OPCML: variants seen among roughly 807,000 people sequenced by gnomAD.
OPCML encodes opioid binding protein/cell adhesion molecule like, also known as opioid-binding protein/cell adhesion molecule.
OPCML carries 13 observed loss-of-function variants against 37.8 expected under a neutral mutation model. The ratio of observed to expected loss-of-function variants is 0.34; its 90% CI spans 0.22 to 0.55. The LOEUF is 0.55. Among genes scored for constraint, OPCML ranks in the 20% least tolerant of loss-of-function variants. OPCML has a pLI of 0.91. For missense variants in OPCML, 341 were observed against 435.6 expected (o/e 0.78, Z 1.93); for synonymous variants, 176 against 168.8 (o/e 1.04, Z -0.33).
In OPCML at chr11:132,989,651, A is replaced by G. The variant is rs557370989; in HGVS notation, c.62-46641T>C. The stretch of plus-strand genomic sequence containing the variant: ...TGTGTGTGTGTGTGTGTGTGTGTTC[A>G]GAGGTGGAGGTGTGGATCTGTGGTT... On this transcript the variant is annotated intron_variant, in intron 1 of 7. Coordinates refer to ENST00000524381, the MANE Select transcript of OPCML (RefSeq NM_001012393.5). Among the ~76,000 whole-genome samples, 1,317 of 146,382 alleles carry G rather than the reference A, an allele frequency of 9.0e-3. 17 individuals are homozygous for G. The highest frequency in any genetic ancestry group is 0.031 in the African/African-American group (1,241 of 39,544).
intron 2 of OPCML, among the ~76,000 whole-genome samples, chr11:132,728,867 T>C (rs79946035): frequency 0.028 from 4,295 of 152,270 alleles, 132 homozygotes; most frequent in African/African-American, 0.078. Context: ...GCTGAGTAGA[T>C]GCCCATTCAA....
chr11:133,078,692 G>T (rs538232374), intron 1 of OPCML, among the ~76,000 whole-genome samples: 7 of 152,018 alleles, frequency 4.6e-5, no homozygotes, highest in Non-Finnish European at 1.0e-4. Flanking sequence ...GATGCACCAC[G>T]GGCAGCTCCC....
intron 3 of OPCML, among the ~76,000 whole-genome samples, chr11:132,570,755 G>A (rs1392797696): frequency 2.7e-4 from 8 of 30,098 alleles, no homozygotes; most frequent in Admixed American, 5.4e-4. Flanking sequence ...AGGAAAGAGA[G>A]TATATATATA....
chr11:133,520,703 T>C (rs917490306), intron 1 of OPCML, among the ~76,000 whole-genome samples: 10 of 152,140 alleles, frequency 6.6e-5, no homozygotes, highest in African/African-American at 2.2e-4. Flanking sequence ...ACTGCAACTG[T>C]AAGAGGCAGG....
chr11:133,130,285 G>C (rs778619377), intron 1 of OPCML, among the ~76,000 whole-genome samples: 1 of 152,024 alleles, frequency 6.6e-6, no homozygotes, highest in South Asian at 2.1e-4. Flanking sequence ...AAAAGAAAAT[G>C]TGTGGAACAT....
At chr11:133,028,053 G>T (rs1251048841) in intron 1 of OPCML, among the ~76,000 whole-genome samples, 1 of 151,928 alleles carries the variant, frequency 6.6e-6, no homozygotes, top group Admixed American at 6.6e-5. Context: ...TAAAAGTAAG[G>T]TTTGAACACT....
intron 3 of OPCML, among the ~76,000 whole-genome samples, chr11:132,624,022 T>C (rs1939588628): frequency 2.6e-5 from 4 of 152,182 alleles, no homozygotes; most frequent in Admixed American, 2.6e-4. Context: ...AAGCTGAGAG[T>C]TGTTTCAGCA....
intron 3 of OPCML, among the ~76,000 whole-genome samples, chr11:132,574,838 G>T (rs2096446673): frequency 6.6e-6 from 1 of 151,844 alleles, no homozygotes; most frequent in Non-Finnish European, 1.5e-5. Context: ...GTTCTGTCCG[G>T]CATCAAAAGT....
chr11:132,669,504 C>T (rs1942365789), intron 2 of OPCML, among the ~76,000 whole-genome samples: 3 of 152,172 alleles, frequency 2.0e-5, no homozygotes, highest in Admixed American at 6.5e-5. Flanking sequence ...AATGGGGCTG[C>T]ATCTTAGGAA....
At chr11:133,387,484 CA>C (rs1468739575) in intron 1 of OPCML, among the ~76,000 whole-genome samples, 1 of 152,196 alleles carries the variant, frequency 6.6e-6, no homozygotes, top group Non-Finnish European at 1.5e-5. Flanking sequence ...TTCAGTGCCC[CA>C]ACAGGCAAAG....
chr11:132,542,085 G>A (rs968882767), intron 3 of OPCML, among the ~76,000 whole-genome samples: 3 of 152,158 alleles, frequency 2.0e-5, no homozygotes, highest in Admixed American at 6.5e-5. Context: ...TGATCAGTGC[G>A]GAGTGTGAGC....
intron 1 of OPCML, among the ~76,000 whole-genome samples, chr11:133,467,731 T>C (rs1947008782): frequency 1.3e-5 from 2 of 152,150 alleles, no homozygotes; most frequent in Non-Finnish European, 2.9e-5. Flanking sequence ...AGCCACAGTA[T>C]CTGACTCCCC....
At chr11:133,234,899 T>C (rs1940442692) in intron 1 of OPCML, among the ~76,000 whole-genome samples, 1 of 152,230 alleles carries the variant, frequency 6.6e-6, no homozygotes, top group Non-Finnish European at 1.5e-5. Context: ...GGCTCGTCTC[T>C]GGCCAAGCCT....
At chr11:133,444,376 G>A (rs1946428713) in intron 1 of OPCML, among the ~76,000 whole-genome samples, 1 of 152,118 alleles carries the variant, frequency 6.6e-6, no homozygotes, top group Admixed American at 6.5e-5. Context: ...AATATTAAGT[G>A]AGCACATATC....
chr11:132,928,967 T>C (rs1340993487), intron 2 of OPCML, among the ~76,000 whole-genome samples: 1 of 150,280 alleles, frequency 6.7e-6, no homozygotes, highest in Non-Finnish European at 1.5e-5. Context: ...AGTATTAGGA[T>C]AGAAATTCAT....
intron 1 of OPCML, among the ~76,000 whole-genome samples, chr11:133,253,704 A>C (rs1941217512): frequency 6.6e-6 from 1 of 152,244 alleles, no homozygotes; most frequent in African/African-American, 2.4e-5. Context: ...AAAATGAATA[A>C]GCAAATAAAC....
chr11:133,312,035 C>T (rs947059770), intron 1 of OPCML, among the ~76,000 whole-genome samples: 2 of 152,138 alleles, frequency 1.3e-5, no homozygotes, highest in African/African-American at 4.8e-5. Context: ...GCAAATCGAC[C>T]TCTGTCCAGG....
chr11:132,574,416 ATTAC>A, intron 3 of OPCML, among the ~76,000 whole-genome samples: 1 of 151,620 alleles, frequency 6.6e-6, no homozygotes, highest in Non-Finnish European at 1.5e-5. Context: ...TCCTCTTAGT[ATTAC>A]TTACTATTGC....
At chr11:132,533,776 C>T (rs902159794) in intron 3 of OPCML, among the ~76,000 whole-genome samples, 2 of 152,116 alleles carry the variant, frequency 1.3e-5, no homozygotes, top group African/African-American at 4.8e-5. Context: ...CCCATTCCCA[C>T]ACCTATGCCA....
Sources: gnomAD v4.1 joint callset for allele counts (sites outside exome capture counted in the v4.1 genomes callset) on GRCh38, gnomAD v4.1.1 for gene constraint, MANE v1.5 for transcripts, NCBI Gene and HGNC (gene_info 2026-07-23, HGNC 2026-07-21) for gene names.